Variants in WDFY4 observed in about 807,000 individuals in gnomAD.
The protein encoded by WDFY4 is WDFY family member 4.
A neutral mutation model predicts 351.9 loss-of-function variants in WDFY4; 169 were observed. That is an observed-to-expected ratio of 0.48 (90% CI 0.42 to 0.55). The LOEUF is 0.55. WDFY4 is among the 20% of genes least tolerant of loss of function. The pLI is 0.00. For synonymous variants in WDFY4, 1,622 were observed against 1,574.6 expected (o/e 1.03, Z -0.71); for missense variants, 3,803 against 3,935.6 (o/e 0.97, Z 0.90).
intron 13 of WDFY4, among the ~76,000 whole-genome samples, chr10:48,770,375 A>G (rs2065822682): frequency 6.6e-6 from 1 of 152,226 alleles, no homozygotes; most frequent in Non-Finnish European, 1.5e-5. Flanking sequence ...CCAAAGCAAT[A>G]AGTGAAGTGC....
intron 47 of WDFY4, among the ~76,000 whole-genome samples, chr10:48,936,623 G>T (rs1325834240): frequency 1.4e-5 from 2 of 146,230 alleles, no homozygotes; most frequent in East Asian, 3.9e-4. Context: ...GGATCACAAG[G>T]TCTGGAGATC....
intron 9 of WDFY4, among the ~76,000 whole-genome samples, chr10:48,732,285 A>G (rs2064489863): frequency 6.6e-6 from 1 of 152,050 alleles, no homozygotes; most frequent in African/African-American, 2.4e-5. Flanking sequence ...TTCTGATAGG[A>G]AGCAAAGTGT....
chr10:48,807,115 T>C (rs1047405623), intron 27 of WDFY4, among the ~76,000 whole-genome samples: 1 of 152,194 alleles, frequency 6.6e-6, no homozygotes, highest in Non-Finnish European at 1.5e-5. Context: ...GACGGAAATA[T>C]GACTCCATTT....
chr10:48,938,165 T>C (rs1036419747), intron 47 of WDFY4, among the ~76,000 whole-genome samples: 5 of 152,272 alleles, frequency 3.3e-5, no homozygotes, highest in Non-Finnish European at 5.9e-5. Context: ...TAACCCATTT[T>C]ACCATGTCCT....
At position 48,807,378 on chromosome 10, in the gene WDFY4, C is replaced by T. The variant is rs138673316; in HGVS notation, c.4739-481C>T. 1.3e-3 allele frequency among the ~76,000 whole-genome samples: 202 copies of T among 152,334 alleles called. 3 individuals are homozygous for T. The East Asian group carries it at 0.027, about 21-fold the overall frequency. On this transcript the variant is annotated intron_variant, in intron 27 of 61. Transcript: ENST00000325239. ...GTAAAGTTTCTTCTTCCCCTTGCTC[C>T]ATATACCTCTGCTATGATTTGAGTT...
chr10:48,772,517 CT>C (rs10672319), intron 13 of WDFY4, among the ~76,000 whole-genome samples: 764 of 70,620 alleles, frequency 0.011, 14 homozygotes, highest in African/African-American at 0.038. Context: ...GAGGGCAGTT[CT>C]TTTTTTTTTT....
rs145203033 is a variant in WDFY4 at position 48,952,506 on chromosome 10, G to T, written c.7978-4623G>T. 3.2e-4 allele frequency among the ~76,000 whole-genome samples: 49 copies of T among 152,302 alleles called. 1 individual carries two copies. In the East Asian group the frequency reaches 9.5e-3, roughly 29 times the overall value. ...CGTGCAATAGAGACAGACAGTCCCG[G>T]GATAATCTCCTGGCTCTAGAACTTT... On this transcript the variant is annotated intron_variant, in intron 51 of 61. Coordinates refer to ENST00000325239, the MANE Select transcript of WDFY4 (RefSeq NM_001394531.1).
chr10:48,877,827 C>G (rs182860001), intron 43 of WDFY4, among the ~76,000 whole-genome samples: 3 of 152,330 alleles, frequency 2.0e-5, no homozygotes, highest in South Asian at 4.1e-4. Context: ...GAGCCCCACT[C>G]TTCGTGTGTG....
intron 47 of WDFY4, chr10:48,935,353 G>C (rs556854814): frequency 6.6e-6 from 1 of 152,242 alleles, no homozygotes; most frequent in Non-Finnish European, 1.5e-5. Flanking sequence ...TGCCTGCCAC[G>C]AGGAGGGAAC....
chr10:48,840,675 G>A (rs2068574266), intron 39 of WDFY4, among the ~76,000 whole-genome samples: 1 of 152,106 alleles, frequency 6.6e-6, no homozygotes, highest in African/African-American at 2.4e-5. Context: ...GTTCCCTACA[G>A]CCCAGATTTT....
chr10:48,881,569 G>A (rs1397166936), intron 43 of WDFY4, among the ~76,000 whole-genome samples: 1 of 152,206 alleles, frequency 6.6e-6, no homozygotes, highest in African/African-American at 2.4e-5. Context: ...CTGATGTGTG[G>A]TGAAATCAAG....
At chr10:48,965,089 AT>A (rs1337360729) in intron 54 of WDFY4, among the ~76,000 whole-genome samples, 2 of 152,208 alleles carry the variant, frequency 1.3e-5, no homozygotes, top group Non-Finnish European at 2.9e-5. Context: ...TGTTAGCCTA[AT>A]GGTTTCATTT....
Position 48,918,493 on chromosome 10 carries a change from T to C in WDFY4, c.7586+16630T>C, listed in dbSNP as rs146719609. On this transcript the variant is annotated intron_variant, in intron 47 of 61. Coordinates refer to ENST00000325239, the MANE Select transcript of WDFY4 (RefSeq NM_001394531.1). ...TACAGGAAGTAAGACCATTACTTAT[T>C]AATAAAATGATCATTTAACCAATAG... 8.4e-3 allele frequency among the ~76,000 whole-genome samples: 1,283 copies of C among 152,288 alleles called. 25 individuals are homozygous for C. Among genetic ancestry groups the C allele is most frequent in the African/African-American group, 0.029 (1,194 of 41,550 alleles).
chr10:48,811,824 G>A (rs2067457794), intron 30 of WDFY4, 116 bp downstream of exon 30: 3 of 1,117,696 alleles, frequency 2.7e-6, no homozygotes, highest in South Asian at 1.5e-5. Context: ...AGCTCAGATG[G>A]GGTGCTGGCC....
chr10:48,872,550 C>T (rs1294430567), intron 40 of WDFY4, among the ~76,000 whole-genome samples: 1 of 152,174 alleles, frequency 6.6e-6, no homozygotes, highest in East Asian at 1.9e-4. Flanking sequence ...AGCACTTCAC[C>T]TTTTCATTTT....
chr10:48,730,016 C>A (rs1312400516), intron 8 of WDFY4, among the ~76,000 whole-genome samples: 3 of 152,192 alleles, frequency 2.0e-5, no homozygotes, highest in Non-Finnish European at 4.4e-5. Context: ...TGTGAACAGG[C>A]CAGTTGTCTG....
Position 48,901,798 on chromosome 10 carries a change from T to C in WDFY4, c.7524-3T>C, listed in dbSNP as rs2133415284. On this transcript the variant is annotated splice_region_variant and splice_polypyrimidine_tract_variant and intron_variant, in intron 46 of 61. Transcript: ENST00000325239. ...TGGAATTATCCCTTCCCTTTTCATG[T>C]AGCTTCTGCTCTTTCCAACCCAGCC... 1.3e-6 allele frequency: 2 copies of C among 1,551,566 alleles called. No individual in the cohort carries two copies. Among genetic ancestry groups the C allele is most frequent in the South Asian group, 1.2e-5 (1 of 84,052 alleles).
At chr10:48,808,640 TA>T (rs1007396157) in intron 28 of WDFY4, among the ~76,000 whole-genome samples, 1 of 152,230 alleles carries the variant, frequency 6.6e-6, no homozygotes, top group Non-Finnish European at 1.5e-5. Context: ...GGTAAAGAGT[TA>T]CCCCTCAGTA....
intron 34 of WDFY4, among the ~76,000 whole-genome samples, chr10:48,822,057 C>A (rs775783929): frequency 1.3e-5 from 2 of 152,156 alleles, no homozygotes; most frequent in Non-Finnish European, 2.9e-5. Context: ...AGCAGCAGGG[C>A]CCCTGGTCAT....
Sources: allele counts gnomAD v4.1 joint callset (sites outside exome capture counted in the v4.1 genomes callset), GRCh38; gene constraint gnomAD v4.1.1; transcripts MANE v1.5; gene names NCBI Gene and HGNC (gene_info 2026-07-23, HGNC 2026-07-21).